The following RBFOX1 variants were observed in gnomAD, a reference collection of about 807,000 sequenced individuals.
RBFOX1 encodes RNA binding protein fox-1 homolog 1.
A neutral mutation model predicts 57.7 loss-of-function variants in RBFOX1; 8 were observed. That is an observed-to-expected ratio of 0.14 (90% CI 0.08 to 0.25). The LOEUF is 0.25. Ranked by LOEUF, RBFOX1 falls within the 10% of genes least tolerant of loss-of-function variation. RBFOX1 has a pLI of 1.00. For missense variants in RBFOX1, 611 were observed against 548.5 expected (o/e 1.11, Z -1.14); for synonymous variants, 326 against 222.4 (o/e 1.47, Z -4.15).
At chr16:6,647,849 C>G (rs1000286480) in intron 2 of RBFOX1, among the ~76,000 whole-genome samples, 1 of 152,054 alleles carries the variant, frequency 6.6e-6, no homozygotes, top group Non-Finnish European at 1.5e-5. Context: ...ATCCCCTTCT[C>G]TTTGTTTTGA....
intron 4 of RBFOX1, among the ~76,000 whole-genome samples, chr16:5,869,777 T>C (rs1480092908): frequency 6.6e-6 from 1 of 152,200 alleles, no homozygotes; most frequent in Non-Finnish European, 1.5e-5. Context: ...AGTTCCTACA[T>C]AGGTGAAATA....
chr16:6,579,776 C>T (rs527920333), intron 2 of RBFOX1, among the ~76,000 whole-genome samples: 16 of 152,058 alleles, frequency 1.1e-4, no homozygotes, highest in Admixed American at 5.2e-4. Flanking sequence ...TGTAGAGACA[C>T]GGTCTCACTA....
intron 3 of RBFOX1, among the ~76,000 whole-genome samples, chr16:6,934,023 G>A (rs151210132): frequency 5.3e-5 from 8 of 152,174 alleles, no homozygotes; most frequent in East Asian, 1.9e-4. Context: ...GAGGGGACAC[G>A]ATTGCACACT....
At chr16:7,432,129 C>G (rs2098686929) in intron 4 of RBFOX1, among the ~76,000 whole-genome samples, 1 of 152,196 alleles carries the variant, frequency 6.6e-6, no homozygotes, top group Non-Finnish European at 1.5e-5. Context: ...TGCTGGTCAT[C>G]CAACTCATTG....
intron 4 of RBFOX1, among the ~76,000 whole-genome samples, chr16:7,112,165 A>G (rs1481076316): frequency 6.6e-6 from 1 of 152,168 alleles, no homozygotes; most frequent in Non-Finnish European, 1.5e-5. Context: ...TCAGAATCAT[A>G]CAAACTTTGT....
rs572639285 is a variant in RBFOX1 at position 5,550,146 on chromosome 16, C to T, written c.259-48756C>T. On this transcript the variant is annotated intron_variant, in intron 2 of 2. Coordinates refer to the RBFOX1 transcript ENST00000585867. ...AAATTCACATCTTCCAAACAAGCAT[C>T]ACTGCAGAACCAACTGTGCAGTGTT... Among the ~76,000 whole-genome samples, 97 of 152,328 alleles carry T rather than the reference C, an allele frequency of 6.4e-4. 1 individual carries two copies. The highest frequency in any genetic ancestry group is 2.2e-3 in the African/African-American group (93 of 41,562).
At chr16:6,502,717 C>T (rs1412454929) in intron 2 of RBFOX1, among the ~76,000 whole-genome samples, 1 of 152,140 alleles carries the variant, frequency 6.6e-6, no homozygotes, top group Non-Finnish European at 1.5e-5. Flanking sequence ...CACCGGACCC[C>T]TATGTAGGAC....
At chr16:7,646,135 A>G (rs2063694175) in intron 11 of RBFOX1, among the ~76,000 whole-genome samples, 1 of 152,212 alleles carries the variant, frequency 6.6e-6, no homozygotes, top group Non-Finnish European at 1.5e-5. Context: ...AATTTGATGT[A>G]CTTTTGAGAT....
intron 4 of RBFOX1, among the ~76,000 whole-genome samples, chr16:7,079,816 C>T (rs1024734822): frequency 1.3e-5 from 2 of 151,336 alleles, no homozygotes; most frequent in Non-Finnish European, 2.9e-5. Context: ...TGCTTTAACC[C>T]CATGGTTGCT....
intron 1 of RBFOX1, among the ~76,000 whole-genome samples, chr16:6,293,870 C>T (rs969004969): frequency 3.0e-5 from 3 of 98,716 alleles, no homozygotes; most frequent in Non-Finnish European, 4.3e-5. Flanking sequence ...GATGGGTTTA[C>T]ACCATCTCAG....
At chr16:7,399,464 G>A (rs143781792) in intron 4 of RBFOX1, among the ~76,000 whole-genome samples, 76 of 152,062 alleles carry the variant, frequency 5.0e-4, no homozygotes, top group African/African-American at 1.3e-3. Context: ...ATAAATAAAT[G>A]AATAAATAAA....
At chr16:6,495,871 A>T (rs1283405497) in intron 2 of RBFOX1, among the ~76,000 whole-genome samples, 1 of 152,220 alleles carries the variant, frequency 6.6e-6, no homozygotes, top group Non-Finnish European at 1.5e-5. Context: ...TCACAACATA[A>T]AGGTATCTGT....
At chr16:6,738,057 C>T (rs2070904251) in intron 3 of RBFOX1, among the ~76,000 whole-genome samples, 1 of 134,464 alleles carries the variant, frequency 7.4e-6, no homozygotes, top group Admixed American at 7.8e-5. Context: ...GGACTTGTCT[C>T]TTTTTTTTTT....
At chr16:7,215,702 C>T (rs1048124130) in intron 4 of RBFOX1, among the ~76,000 whole-genome samples, 2 of 151,004 alleles carry the variant, frequency 1.3e-5, no homozygotes, top group African/African-American at 4.9e-5. Context: ...TATTTTCTAT[C>T]TCTAAGAATT....
At chr16:7,627,522 G>A (rs556440424) in intron 10 of RBFOX1, among the ~76,000 whole-genome samples, 1 of 152,302 alleles carries the variant, frequency 6.6e-6, no homozygotes, top group African/African-American at 2.4e-5. Flanking sequence ...GGCAGTAGAA[G>A]GTTTATGTTG....
chr16:7,539,719 A>G (rs908837260), intron 5 of RBFOX1, among the ~76,000 whole-genome samples: 7 of 152,128 alleles, frequency 4.6e-5, no homozygotes, highest in African/African-American at 1.7e-4. Flanking sequence ...TTGCTTGGCG[A>G]CCAAGTGCAT....
chr16:6,842,553 T>C (rs2093536466), intron 3 of RBFOX1, among the ~76,000 whole-genome samples: 1 of 152,194 alleles, frequency 6.6e-6, no homozygotes, highest in Non-Finnish European at 1.5e-5. Context: ...GTATCAACTT[T>C]TTAATGGCTC....
At chr16:5,917,025 G>A (rs2058718656) in intron 4 of RBFOX1, among the ~76,000 whole-genome samples, 2 of 152,128 alleles carry the variant, frequency 1.3e-5, no homozygotes, top group South Asian at 4.1e-4. Flanking sequence ...TGAGTCAGAA[G>A]GGCTTCCACT....
chr16:5,968,225 C>T (rs939913338), intron 4 of RBFOX1, among the ~76,000 whole-genome samples: 1 of 152,092 alleles, frequency 6.6e-6, no homozygotes, highest in Non-Finnish European at 1.5e-5. Context: ...TGGGCATGTA[C>T]CACCATGCCC....
Sources: gnomAD v4.1 joint callset for allele counts (sites outside exome capture counted in the v4.1 genomes callset) on GRCh38, gnomAD v4.1.1 for gene constraint, MANE v1.5 for transcripts, NCBI Gene and HGNC (gene_info 2026-07-23, HGNC 2026-07-21) for gene names.